LTBP1: variants seen among roughly 807,000 people sequenced by gnomAD.
LTBP1 encodes the protein latent transforming growth factor beta binding protein 1.
Under a neutral mutation model 207.6 loss-of-function variants are expected in LTBP1, and 129 were observed. The observed-to-expected ratio is 0.62, with a 90% CI of 0.54 to 0.72. The LOEUF (loss-of-function observed/expected upper bound fraction) is 0.72, where lower values mean the gene tolerates loss of function less well. Ranked by LOEUF, LTBP1 falls within the 30% of genes least tolerant of loss-of-function variation. LTBP1 has a pLI of 0.00. For missense variants in LTBP1, 2,281 were observed against 2,217.2 expected, an observed-to-expected ratio of 1.03 and a Z score of -0.58; for synonymous variants, 963 against 833.7, an observed-to-expected ratio of 1.16 and a Z score of -2.67.
intron 32 of LTBP1, among the ~76,000 whole-genome samples, chr2:33,396,211 T>C (rs2095356891): frequency 6.6e-6 from 1 of 151,984 alleles, no homozygotes; most frequent in African/African-American, 2.4e-5. Flanking sequence ...TTGTTTTGTT[T>C]TGTTTTTTGG....
At chr2:33,371,128 A>G (rs2150202462) in intron 31 of LTBP1, among the ~76,000 whole-genome samples, 1 of 152,306 alleles carries the variant, frequency 6.6e-6, no homozygotes, top group African/African-American at 2.4e-5. Context: ...AGAATTGCAT[A>G]ATTGTAGAAT....
At chr2:33,086,138 G>A (rs1299398429) in intron 3 of LTBP1, among the ~76,000 whole-genome samples, 6 of 152,214 alleles carry the variant, frequency 3.9e-5, no homozygotes, top group South Asian at 4.1e-4. Context: ...AGTAGGTACC[G>A]CATTAGCATG....
At chr2:33,063,366 A>C (rs1213035289) in intron 3 of LTBP1, among the ~76,000 whole-genome samples, 1 of 152,194 alleles carries the variant, frequency 6.6e-6, no homozygotes, top group Non-Finnish European at 1.5e-5. Context: ...TCCAGAGAAT[A>C]CATAATGTGT....
At chr2:33,232,283 A>T (rs752402883) in intron 9 of LTBP1, among the ~76,000 whole-genome samples, 12 of 152,224 alleles carry the variant, frequency 7.9e-5, no homozygotes, top group Non-Finnish European at 1.5e-4. Context: ...CAATGCAGAG[A>T]CAAATACAGA....
chr2:33,326,250 G>A (rs2094425459), intron 24 of LTBP1, among the ~76,000 whole-genome samples: 1 of 152,114 alleles, frequency 6.6e-6, no homozygotes, highest in Non-Finnish European at 1.5e-5. Context: ...TTCTCACGCA[G>A]CACCTCTCAA....
intron 3 of LTBP1, among the ~76,000 whole-genome samples, chr2:33,032,355 T>G (rs2075729827): frequency 2.0e-5 from 3 of 152,222 alleles, no homozygotes; most frequent in African/African-American, 4.8e-5. Flanking sequence ...GTTCAAGAGT[T>G]TTCTACCTTT....
At chr2:33,295,846 A>G (rs1316610355) in intron 20 of LTBP1, among the ~76,000 whole-genome samples, 1 of 152,208 alleles carries the variant, frequency 6.6e-6, no homozygotes, top group African/African-American at 2.4e-5. Flanking sequence ...ATACCCTGGT[A>G]TCCTGTAAGA....
rs776950045 is a variant in LTBP1 at position 33,021,022 on chromosome 2, T to A, written c.679T>A (p.Ser227Thr). Reference sequence around the variant, plus strand: ...TGAAACAATAGCTGCCCAGGACACCTCGTCACCAGTCTTTGGAGGGCAGAG... The same window carrying A: ...TGAAACAATAGCTGCCCAGGACACCACGTCACCAGTCTTTGGAGGGCAGAG... ...ACETIAAQDTSSPVFGGQSPG... is the reference protein window; with the variant it reads ...ACETIAAQDTTSPVFGGQSPG... The change falls in exon 3 of 34, where the codon TCG becomes ACG. Residue 227 changes from serine (S) to threonine (T), a missense_variant. Ser to Thr is a moderately conservative substitution (Grantham distance 58, BLOSUM62 1). Transcript: ENST00000404816. The A allele has an allele frequency of 7.4e-6, 12 of 1,613,942 alleles. No individual in the cohort carries two copies. Among genetic ancestry groups the A allele is most frequent in the African/African-American group, 1.3e-5 (1 of 74,908 alleles).
intron 3 of LTBP1, among the ~76,000 whole-genome samples, chr2:33,074,321 C>A (rs972071799): frequency 1.3e-5 from 2 of 152,206 alleles, no homozygotes; most frequent in Admixed American, 6.5e-5. Flanking sequence ...CATCAGTCTC[C>A]CATCTCTTGT....
chr2:32,952,361 G>A (rs1281980914), intron 2 of LTBP1, among the ~76,000 whole-genome samples: 1 of 152,214 alleles, frequency 6.6e-6, no homozygotes, highest in Non-Finnish European at 1.5e-5. Flanking sequence ...TCACAATGTA[G>A]AGATGCCTGG....
chr2:33,059,279 A>G (rs988840097), intron 3 of LTBP1, among the ~76,000 whole-genome samples: 1 of 152,162 alleles, frequency 6.6e-6, no homozygotes, highest in Non-Finnish European at 1.5e-5. Flanking sequence ...TATGATGATG[A>G]TTTAAATTAG....
chr2:33,031,865 G>A (rs1449378367), intron 3 of LTBP1, among the ~76,000 whole-genome samples: 1 of 152,150 alleles, frequency 6.6e-6, no homozygotes, highest in Non-Finnish European at 1.5e-5. Flanking sequence ...CACTGAAGAA[G>A]TGTCAGGCTC....
intron 22 of LTBP1, among the ~76,000 whole-genome samples, chr2:33,304,473 T>C (rs186407230): frequency 3.3e-5 from 5 of 152,216 alleles, no homozygotes; most frequent in Admixed American, 2.0e-4. Flanking sequence ...GTTTTCTTAT[T>C]GTCCTGTCAT....
At chr2:33,116,875 T>A (rs1052738892) in intron 4 of LTBP1, among the ~76,000 whole-genome samples, 4 of 152,032 alleles carry the variant, frequency 2.6e-5, no homozygotes, top group Non-Finnish European at 2.9e-5. Flanking sequence ...TAAGCAACCG[T>A]AGAAGTGAAG....
At chr2:33,357,391 C>A (rs867584616) in intron 26 of LTBP1, among the ~76,000 whole-genome samples, 6 of 152,102 alleles carry the variant, frequency 3.9e-5, no homozygotes, top group African/African-American at 1.4e-4. Context: ...GATGAAAAAA[C>A]ACAGAGAATA....
rs1044639547 is a variant in LTBP1 at position 33,186,959 on chromosome 2, T to C, written c.1305T>C (p.His435=). ...FTGKLCQIPV[H]GASVPKLYQH... ...GAAAACTTTGTCAGATCCCAGTCCATGGTGCCAGCGTGCCTAAACTTTATC... is the reference window on the plus strand; with the variant it reads ...GAAAACTTTGTCAGATCCCAGTCCACGGTGCCAGCGTGCCTAAACTTTATC... Residue 435 remains histidine (H), a synonymous_variant, in exon 6 of 34, where the codon CAT becomes CAC. Transcript: ENST00000404816. 6.2e-7 allele frequency: 1 copy of C among 1,614,100 alleles called. No individual in the cohort carries two copies. The highest frequency in any genetic ancestry group is 1.3e-5 in the African/African-American group (1 of 74,946).
At chr2:32,962,401 A>G (rs1261645893) in intron 2 of LTBP1, among the ~76,000 whole-genome samples, 1 of 152,256 alleles carries the variant, frequency 6.6e-6, no homozygotes, top group African/African-American at 2.4e-5. Context: ...GAAATAATAC[A>G]GACAATAAGT....
At chr2:33,207,266 C>T (rs1235722219) in intron 7 of LTBP1, among the ~76,000 whole-genome samples, 2 of 152,096 alleles carry the variant, frequency 1.3e-5, no homozygotes, top group African/African-American at 4.8e-5. Context: ...AATACCGTTT[C>T]ATAAACTAAA....
chr2:33,281,050 GAC>G (rs1475461821), intron 19 of LTBP1, among the ~76,000 whole-genome samples: 1 of 152,146 alleles, frequency 6.6e-6, no homozygotes, highest in African/African-American at 2.4e-5. Context: ...CAGCCCGAGT[GAC>G]AGTGAGACCC....
Sources: gnomAD v4.1 joint callset for allele counts (sites outside exome capture counted in the v4.1 genomes callset) on GRCh38, gnomAD v4.1.1 for gene constraint, MANE v1.5 for transcripts, NCBI Gene and HGNC (gene_info 2026-07-23, HGNC 2026-07-21) for gene names.